The following KCNH5 variants were observed in gnomAD, a reference collection of about 807,000 sequenced individuals.
The protein encoded by KCNH5 is voltage-gated delayed rectifier potassium channel KCNH5.
A neutral mutation model predicts 96.1 loss-of-function variants in KCNH5; 46 were observed. That is an observed-to-expected ratio of 0.48 (90% CI 0.38 to 0.61). KCNH5 has a LOEUF of 0.61. KCNH5 is among the 20% of genes least tolerant of loss of function. KCNH5 has a pLI of 0.00. For missense variants in KCNH5, 907 were observed against 1,225.8 expected (o/e 0.74, Z 3.88); for synonymous variants, 439 against 449.8 (o/e 0.98, Z 0.30).
At chr14:62,774,774 A>G (rs1464160587) in intron 10 of KCNH5, among the ~76,000 whole-genome samples, 3 of 152,062 alleles carry the variant, frequency 2.0e-5, no homozygotes, top group Non-Finnish European at 4.4e-5. Context: ...ATATGTTTAA[A>G]CTTATTGGAA....
At chr14:62,862,765 C>G (rs888831685) in intron 7 of KCNH5, among the ~76,000 whole-genome samples, 1 of 152,118 alleles carries the variant, frequency 6.6e-6, no homozygotes, top group Non-Finnish European at 1.5e-5. Flanking sequence ...CTTGTAGTCC[C>G]CACTGAACCT....
chr14:62,738,049 T>C (rs1885196025), intron 10 of KCNH5, among the ~76,000 whole-genome samples: 2 of 152,022 alleles, frequency 1.3e-5, no homozygotes, highest in Admixed American at 1.3e-4. Flanking sequence ...ATAATAACAC[T>C]CCGGCATCAC....
chr14:62,805,177 A>G (rs1448793287), intron 8 of KCNH5, among the ~76,000 whole-genome samples: 1 of 152,104 alleles, frequency 6.6e-6, no homozygotes, highest in Admixed American at 6.6e-5. Flanking sequence ...TAGGACTTTC[A>G]TTGTTTTCTA....
intron 10 of KCNH5, 34 bp downstream of exon 10, chr14:62,779,694 C>T: frequency 1.9e-6 from 3 of 1,548,902 alleles, no homozygotes; most frequent in Middle Eastern, 1.7e-4. Context: ...ATACTCTGGA[C>T]ACTAATAAGA....
intron 3 of KCNH5, among the ~76,000 whole-genome samples, chr14:63,004,130 A>G (rs1891082921): frequency 6.6e-6 from 1 of 152,232 alleles, no homozygotes; most frequent in South Asian, 2.1e-4. Context: ...CTTGGCACAT[A>G]GGCATTCCCA....
chr14:62,826,356 G>A (rs751126157), intron 8 of KCNH5, among the ~76,000 whole-genome samples: 2 of 150,688 alleles, frequency 1.3e-5, no homozygotes, highest in Non-Finnish European at 3.0e-5. Flanking sequence ...ATCTCTTTAT[G>A]TTTGGCTTTT....
intron 4 of KCNH5, among the ~76,000 whole-genome samples, chr14:62,994,244 C>T (rs1352276060): frequency 1.3e-5 from 2 of 152,018 alleles, no homozygotes; most frequent in Admixed American, 6.6e-5. Context: ...GAGAAGCTTG[C>T]TATTTTGGCT....
At chr14:62,899,260 A>G (rs1888874379) in intron 7 of KCNH5, among the ~76,000 whole-genome samples, 1 of 152,170 alleles carries the variant, frequency 6.6e-6, no homozygotes, top group Admixed American at 6.5e-5. Flanking sequence ...AATTAATAGC[A>G]AAAATAAAAC....
At chr14:62,745,888 G>C (rs933849643) in intron 10 of KCNH5, among the ~76,000 whole-genome samples, 2 of 152,138 alleles carry the variant, frequency 1.3e-5, no homozygotes, top group Non-Finnish European at 2.9e-5. Context: ...TTGATATTTC[G>C]ATTGGTTCCT....
chr14:62,818,103 TGGGGGCGG>T, intron 8 of KCNH5, among the ~76,000 whole-genome samples: 2 of 39,932 alleles, frequency 5.0e-5, no homozygotes, highest in South Asian at 3.7e-3. Context: ...TACCAGGAGC[TGGGGGCGG>T]GGGGGGGGTG....
chr14:62,858,240 T>A (rs1887967395), intron 7 of KCNH5, among the ~76,000 whole-genome samples: 1 of 152,204 alleles, frequency 6.6e-6, no homozygotes, highest in Admixed American at 6.5e-5. Flanking sequence ...TCTGTAGTCC[T>A]TTTGCCTTCA....
At chr14:62,902,772 T>G (rs1161442943) in intron 7 of KCNH5, among the ~76,000 whole-genome samples, 5 of 151,138 alleles carry the variant, frequency 3.3e-5, no homozygotes, top group Non-Finnish European at 7.4e-5. Flanking sequence ...CGGGCTGGAG[T>G]GCAATGGCAC....
intron 10 of KCNH5, among the ~76,000 whole-genome samples, chr14:62,778,159 T>C (rs1886137118): frequency 6.6e-6 from 1 of 152,282 alleles, no homozygotes; most frequent in East Asian, 1.9e-4. Flanking sequence ...TGAAGGGAAC[T>C]TAAAACTACA....
chr14:62,729,548 G>T (rs192057921), intron 10 of KCNH5, among the ~76,000 whole-genome samples: 1 of 152,276 alleles, frequency 6.6e-6, no homozygotes, highest in Admixed American at 6.5e-5. Flanking sequence ...GGAGATCCTG[G>T]ACTTTGAATG....
At chr14:62,724,665 A>T (rs1383322106) in intron 10 of KCNH5, among the ~76,000 whole-genome samples, 1 of 152,140 alleles carries the variant, frequency 6.6e-6, no homozygotes, top group Non-Finnish European at 1.5e-5. Flanking sequence ...GAGAAGATGA[A>T]ATTTGCTGCT....
intron 10 of KCNH5, among the ~76,000 whole-genome samples, chr14:62,743,612 T>C (rs192694136): frequency 3.4e-4 from 51 of 152,214 alleles, no homozygotes; most frequent in Middle Eastern, 3.4e-3. Context: ...CTGCCTCATT[T>C]GTGTAGGTAA....
intron 4 of KCNH5, among the ~76,000 whole-genome samples, chr14:62,987,714 G>C (rs1449329013): frequency 6.6e-6 from 1 of 152,114 alleles, no homozygotes; most frequent in East Asian, 1.9e-4. Flanking sequence ...ATAACTGTGT[G>C]GGAAAATGCC....
intron 10 of KCNH5, among the ~76,000 whole-genome samples, chr14:62,728,282 G>A (rs1449491769): frequency 2.0e-5 from 3 of 151,124 alleles, no homozygotes; most frequent in African/African-American, 7.3e-5. Flanking sequence ...AGCTACTTGT[G>A]AGGCTGAGGC....
chr14:62,994,440 C>G (rs1434200774), intron 4 of KCNH5, among the ~76,000 whole-genome samples: 1 of 151,998 alleles, frequency 6.6e-6, no homozygotes, highest in Non-Finnish European at 1.5e-5. Context: ...GGATAACTGA[C>G]AGAATGGATT....
Sources: allele counts gnomAD v4.1 joint callset (sites outside exome capture counted in the v4.1 genomes callset), GRCh38; gene constraint gnomAD v4.1.1; transcripts MANE v1.5; gene names NCBI Gene and HGNC (gene_info 2026-07-23, HGNC 2026-07-21).